Variants in JPH1 observed in about 807,000 individuals in gnomAD.
JPH1 encodes the protein junctophilin-1.
A neutral mutation model predicts 53.6 loss-of-function variants in JPH1; 12 were observed. The ratio of observed to expected loss-of-function variants is 0.22; its 90% CI spans 0.14 to 0.36. The LOEUF is 0.36. JPH1 is among the 10% of genes least tolerant of loss of function. The pLI, the probability that JPH1 is intolerant of heterozygous loss-of-function variation, is 1.00. For missense variants in JPH1, 808 were observed against 905.5 expected, an observed-to-expected ratio of 0.89 and a Z score of 1.38; for synonymous variants, 375 against 363.8, an observed-to-expected ratio of 1.03 and a Z score of -0.35.
intron 2 of JPH1, among the ~76,000 whole-genome samples, chr8:74,281,661 T>C (rs1807019697): frequency 6.6e-6 from 1 of 152,204 alleles, no homozygotes; most frequent in Non-Finnish European, 1.5e-5. Context: ...TGTGATGTGT[T>C]CCAGATTCAT....
intron 2 of JPH1, among the ~76,000 whole-genome samples, chr8:74,297,996 G>A (rs369658961): frequency 6.6e-6 from 1 of 152,186 alleles, no homozygotes; most frequent in Non-Finnish European, 1.5e-5. Flanking sequence ...TCCACACACA[G>A]GTCATCATCT....
chr8:74,313,526 A>G (rs1808054070), intron 2 of JPH1, among the ~76,000 whole-genome samples: 1 of 150,712 alleles, frequency 6.6e-6, no homozygotes, highest in East Asian at 2.0e-4. Context: ...ATTTAGTGGT[A>G]GCCCTACTTA....
chr8:74,252,811 G>A (rs1271096493), intron 3 of JPH1, among the ~76,000 whole-genome samples: 1 of 152,080 alleles, frequency 6.6e-6, no homozygotes, highest in Non-Finnish European at 1.5e-5. Flanking sequence ...TTACATAATG[G>A]TAAAGGGATC....
chr8:74,274,094 T>C (rs1806781276), intron 2 of JPH1, among the ~76,000 whole-genome samples: 1 of 152,190 alleles, frequency 6.6e-6, no homozygotes, highest in Non-Finnish European at 1.5e-5. Flanking sequence ...TGGCACCTTT[T>C]CCCTTTTTGA....
intron 2 of JPH1, among the ~76,000 whole-genome samples, chr8:74,263,033 T>C (rs1586743527): frequency 2.0e-5 from 3 of 152,244 alleles, no homozygotes; most frequent in Admixed American, 2.0e-4. Flanking sequence ...AATAATCTAG[T>C]TTCTTTTTCT....
At chr8:74,314,656 G>A (rs1808087766) in intron 2 of JPH1, among the ~76,000 whole-genome samples, 1 of 152,168 alleles carries the variant, frequency 6.6e-6, no homozygotes, top group South Asian at 2.1e-4. Flanking sequence ...AAGTGCCTTC[G>A]ACATTTTTTG....
At chr8:74,290,652 A>G (rs924488004) in intron 2 of JPH1, among the ~76,000 whole-genome samples, 1 of 152,230 alleles carries the variant, frequency 6.6e-6, no homozygotes, top group African/African-American at 2.4e-5. Context: ...TATGGAACCA[A>G]AAAAGACCCC....
At chr8:74,295,989 A>G (rs1807502284) in intron 2 of JPH1, among the ~76,000 whole-genome samples, 1 of 125,882 alleles carries the variant, frequency 7.9e-6, no homozygotes, top group East Asian at 2.2e-4. Flanking sequence ...CACGAAAGGG[A>G]ACAACCTGGT....
intron 3 of JPH1, among the ~76,000 whole-genome samples, chr8:74,248,984 G>A (rs1417707724): frequency 6.6e-6 from 1 of 152,134 alleles, no homozygotes; most frequent in Non-Finnish European, 1.5e-5. Flanking sequence ...TCTCCCCCTG[G>A]AGACTCATAT....
chr8:74,294,173 C>T (rs1807428008), intron 2 of JPH1, among the ~76,000 whole-genome samples: 1 of 152,226 alleles, frequency 6.6e-6, no homozygotes, highest in South Asian at 2.1e-4. Context: ...ATGTGCTCTA[C>T]AGCTAGGGCC....
rs1808294539 is a variant in JPH1, at chr8:74,320,791, G to A, written c.379+118C>T. On this transcript the variant is annotated intron_variant, in intron 1 of 5. Transcript: ENST00000342232. The surrounding 1 kb of genome is among the most constrained non-coding windows in gnomAD (Gnocchi z 4.4). ...GGCGCGGGGGTGGGAGGCGCCCCCA[G>A]GTGTTTTGGCGGGTTTCCGGACACG... 2 of 1,238,990 alleles carry A rather than the reference G, an allele frequency of 1.6e-6. No individual in the cohort carries two copies. Among genetic ancestry groups the A allele is most frequent in the Non-Finnish European group, 2.1e-6 (2 of 946,088 alleles). The allele number at this position is 1,238,990 out of a possible 1,614,324, so 76.7% of individuals were successfully genotyped here. A position where few individuals can be genotyped will look rare whatever the true frequency, so the allele number is the denominator to read the frequency against.
intron 4 of JPH1, among the ~76,000 whole-genome samples, chr8:74,241,484 T>C (rs1805689243): frequency 1.3e-5 from 2 of 152,186 alleles, no homozygotes; most frequent in African/African-American, 2.4e-5. Context: ...TGGAAGAAAT[T>C]TTCCAGGTGG....
At chr8:74,262,130 A>G (rs978646873) in intron 2 of JPH1, among the ~76,000 whole-genome samples, 1 of 152,172 alleles carries the variant, frequency 6.6e-6, no homozygotes, top group Non-Finnish European at 1.5e-5. Flanking sequence ...AGCTGGCCAG[A>G]TGAGTCAAGA....
At chr8:74,280,027 T>G (rs1018643983) in intron 2 of JPH1, among the ~76,000 whole-genome samples, 1 of 152,190 alleles carries the variant, frequency 6.6e-6, no homozygotes, top group African/African-American at 2.4e-5. Context: ...GGTATCAGAT[T>G]CAACAAAGGA....
chr8:74,237,343 T>A, intron 4 of JPH1, 40 bp from the exon 5 acceptor site: 1 of 1,472,758 alleles, frequency 6.8e-7, no homozygotes, highest in African/African-American at 1.4e-5. Context: ...AACTTCTCCA[T>A]GTTAATATCA....
chr8:74,318,880 T>G (rs1415511418), intron 1 of JPH1, among the ~76,000 whole-genome samples: 2 of 152,188 alleles, frequency 1.3e-5, no homozygotes, highest in African/African-American at 4.8e-5. Context: ...CTTTTTATGA[T>G]TGAGAACTTT....
chr8:74,244,057 C>A (rs948398550), intron 4 of JPH1, among the ~76,000 whole-genome samples: 2 of 152,182 alleles, frequency 1.3e-5, no homozygotes, highest in African/African-American at 4.8e-5. Context: ...GAATTCACAA[C>A]GGCTAGAGGA....
At chr8:74,288,739 A>C (rs1210507433) in intron 2 of JPH1, among the ~76,000 whole-genome samples, 1 of 152,248 alleles carries the variant, frequency 6.6e-6, no homozygotes, top group African/African-American at 2.4e-5. Flanking sequence ...GTGCAAAAGT[A>C]ACTGCAGTTT....
chr8:74,257,301 A>AT (rs1229468697), intron 3 of JPH1, among the ~76,000 whole-genome samples: 1 of 151,928 alleles, frequency 6.6e-6, no homozygotes, highest in African/African-American at 2.4e-5. Context: ...TTCCCACAAT[A>AT]TTTTTTTTCC....
Sources: gnomAD v4.1 joint callset for allele counts (sites outside exome capture counted in the v4.1 genomes callset) on GRCh38, gnomAD v4.1.1 for gene constraint, Gnocchi (gnomAD v3.1) non-coding constraint, MANE v1.5 for transcripts, NCBI Gene and HGNC (gene_info 2026-07-23, HGNC 2026-07-21) for gene names.